INPP5B: variants seen among roughly 807,000 people sequenced by gnomAD.
INPP5B encodes the protein type II inositol 1,4,5-trisphosphate 5-phosphatase.
A neutral mutation model predicts 118.5 loss-of-function variants in INPP5B; 90 were observed. The ratio of observed to expected loss-of-function variants is 0.76; its 90% confidence interval spans 0.64 to 0.90. The LOEUF (loss-of-function observed/expected upper bound fraction) is 0.90, where lower values mean the gene tolerates loss of function less well. INPP5B is among the 40% of genes least tolerant of loss of function. The pLI, the probability that INPP5B is intolerant of heterozygous loss-of-function variation, is 0.00. For synonymous variants in INPP5B, 385 were observed against 418.9 expected (o/e 0.92, Z 0.99); for missense variants, 984 against 1,125.6 (o/e 0.87, Z 1.80).
chr1:37,919,505 A>T (rs1295828451), intron 7 of INPP5B, among the ~76,000 whole-genome samples: 1 of 152,192 alleles, frequency 6.6e-6, no homozygotes, highest in African/African-American at 2.4e-5. Flanking sequence ...AGGGCTCTCT[A>T]AGTCTGAGAC....
chr1:37,944,847 A>G (rs1384929482), intron 3 of INPP5B, among the ~76,000 whole-genome samples: 1 of 151,764 alleles, frequency 6.6e-6, no homozygotes, highest in East Asian at 2.0e-4. Context: ...TCGAACTCCT[A>G]GGCTCAAGCA....
At chr1:37,913,686 C>T (rs907521941) in intron 7 of INPP5B, among the ~76,000 whole-genome samples, 2 of 152,132 alleles carry the variant, frequency 1.3e-5, no homozygotes, top group Non-Finnish European at 2.9e-5. Flanking sequence ...CCCAGAGAAA[C>T]ATTGCTCATT....
Position 37,887,452 on chromosome 1 carries a change from C to A in INPP5B, c.913G>T (p.Asp305Tyr). ...AAGAAAAAAGCTTCCTTACTCAGAT[C>A]AAGCTCCTGGAACCTATTTTGAGAA... ...DVYCVGFQEL[D>Y]LSKEAFFFHD... is the part of the protein sequence containing the mutation. Residue 305 changes from aspartate to tyrosine, a missense_variant, in exon 11 of 24, where the codon GAT becomes TAT. By Grantham distance (160) the Asp-to-Tyr change is radical. Transcript: ENST00000373024. 1 of 1,607,360 alleles carries A rather than the reference C, an allele frequency of 6.2e-7. No homozygotes were observed. The highest frequency in any genetic ancestry group is 1.1e-5 in the South Asian group (1 of 90,458).
At position 37,868,645 on chromosome 1, in the gene INPP5B, T is replaced by A. The variant is rs2306425; in HGVS notation, c.2188-31A>T. 401,259 of 1,451,564 alleles carry A rather than the reference T, an allele frequency of 0.28. 57,544 individuals carry two copies. The highest frequency in any genetic ancestry group is 0.29 in the Non-Finnish European group (300,113 of 1,032,674). The allele number at this position is 1,451,564 out of a possible 1,614,324, so 89.9% of individuals were successfully genotyped here. A position where few individuals can be genotyped will look rare whatever the true frequency, so the allele number is the denominator to read the frequency against. On this transcript the variant is annotated intron_variant, in intron 19 of 23. Transcript: ENST00000373024. ...AAGCAATCAAGATCATGACAGAACT[T>A]CTGCCAGGCTGGCTCCAGGAAAATG... is the stretch of plus-strand genomic sequence containing the variant.
At chr1:37,869,153 C>T (rs182890325) in intron 19 of INPP5B, among the ~76,000 whole-genome samples, 63 of 151,978 alleles carry the variant, frequency 4.1e-4, no homozygotes, top group Middle Eastern at 3.4e-3. Flanking sequence ...CCATCACGCC[C>T]GGCTAATTTT....
chr1:37,891,310 G>C (rs1421961209), intron 8 of INPP5B, 48 bp downstream of exon 8: 1 of 1,382,378 alleles, frequency 7.2e-7, no homozygotes, highest in East Asian at 2.3e-5. Flanking sequence ...AGTACTGTGA[G>C]GAGAACCTCA....
At chr1:37,937,778 T>C (rs1158614855) in intron 6 of INPP5B, among the ~76,000 whole-genome samples, 4 of 147,392 alleles carry the variant, frequency 2.7e-5, no homozygotes, top group Admixed American at 6.8e-5. Flanking sequence ...AAAAATAAAA[T>C]AAAATAAAAT....
intron 5 of INPP5B, among the ~76,000 whole-genome samples, chr1:37,943,401 A>G (rs28673728): frequency 0.4 from 61,218 of 151,834 alleles, 12,752 homozygotes; most frequent in Non-Finnish European, 0.46. Flanking sequence ...GCAGGAGGAG[A>G]GGACAGCGTG....
intron 14 of INPP5B, among the ~76,000 whole-genome samples, chr1:37,881,899 A>T (rs570847011): frequency 1.3e-5 from 2 of 152,148 alleles, no homozygotes; most frequent in Non-Finnish European, 2.9e-5. Flanking sequence ...GGAGTTCGAG[A>T]CCAGCCTGGC....
At chr1:37,931,483 C>G in intron 7 of INPP5B, 1 of 1,533,736 alleles carries the variant, frequency 6.5e-7, no homozygotes. Context: ...CGCCTACCCT[C>G]GTCACGCACG....
At chr1:37,938,376 A>G (rs1645785334) in intron 6 of INPP5B, among the ~76,000 whole-genome samples, 1 of 152,214 alleles carries the variant, frequency 6.6e-6, no homozygotes, top group South Asian at 2.1e-4. Context: ...TTCTTGGAAT[A>G]GTGCCTAACG....
At chr1:37,916,235 A>G (rs1402893621) in intron 7 of INPP5B, among the ~76,000 whole-genome samples, 1 of 151,758 alleles carries the variant, frequency 6.6e-6, no homozygotes, top group Non-Finnish European at 1.5e-5. Flanking sequence ...CTAGGATTAC[A>G]GGCACCCACC....
At chr1:37,878,500 T>G (rs772941911) in intron 15 of INPP5B, 177 bp from the exon 16 acceptor site, 73 of 985,240 alleles carry the variant, frequency 7.4e-5, no homozygotes, top group Non-Finnish European at 8.1e-5. Flanking sequence ...ATCCTGTGGG[T>G]ATCATCCAAA....
Position 37,902,071 on chromosome 1 carries a change from T to G in INPP5B, c.533-10617A>C, listed in dbSNP as rs563880793. On this transcript the variant is annotated intron_variant, in intron 7 of 23. Transcript: ENST00000373024. ...GCGTGATCTCAGCTCACGGCTCCTC[T>G]GTGTCCTGAGTTGAAGCGATTCTCC... Among the ~76,000 whole-genome samples, 260 of 152,114 alleles carry G rather than the reference T, an allele frequency of 1.7e-3. No homozygotes were observed. In the Middle Eastern group the frequency reaches 0.02, roughly 12 times the overall value.
intron 6 of INPP5B, 117 bp from the exon 7 acceptor site, chr1:37,932,170 G>T: frequency 1.1e-6 from 1 of 901,756 alleles, no homozygotes; most frequent in Admixed American, 3.5e-5. Context: ...AGGGTTCTGT[G>T]CGCACTGAGG....
intron 13 of INPP5B, among the ~76,000 whole-genome samples, chr1:37,885,276 T>C (rs1490524658): frequency 6.6e-6 from 1 of 151,864 alleles, no homozygotes; most frequent in Non-Finnish European, 1.5e-5. Flanking sequence ...TAGCCAGGCA[T>C]GGTGGCAGGC....
At chr1:37,872,055 C>T (rs537348808) in intron 19 of INPP5B, among the ~76,000 whole-genome samples, 93 of 100,512 alleles carry the variant, frequency 9.3e-4, no homozygotes, top group Middle Eastern at 0.016. Context: ...CAGAGTGAGA[C>T]TCCATCTCAA....
At chr1:37,899,237 T>A (rs999444626) in intron 7 of INPP5B, among the ~76,000 whole-genome samples, 2 of 148,650 alleles carry the variant, frequency 1.3e-5, no homozygotes, top group African/African-American at 5.0e-5. Flanking sequence ...TGTACTCTAG[T>A]TGATAATGGT....
chr1:37,875,765 C>T (rs1336642357), intron 16 of INPP5B, 49 bp from the exon 17 acceptor site: 3 of 1,400,626 alleles, frequency 2.1e-6, no homozygotes, highest in South Asian at 1.2e-5. Flanking sequence ...TGCCCATTTC[C>T]TCTTTCTCAG....
Sources: gnomAD v4.1 joint callset for allele counts (sites outside exome capture counted in the v4.1 genomes callset) on GRCh38, gnomAD v4.1.1 for gene constraint, MANE v1.5 for transcripts, NCBI Gene and HGNC (gene_info 2026-07-23, HGNC 2026-07-21) for gene names.